LRRK1: variants seen among roughly 807,000 people sequenced by gnomAD.
The protein encoded by LRRK1 is leucine rich repeat kinase 1.
LRRK1 carries 113 observed loss-of-function variants against 209.1 expected under a neutral mutation model. That is an observed-to-expected ratio of 0.54 (90% CI 0.46 to 0.63). LRRK1 has a LOEUF of 0.63. LRRK1 is among the 30% of genes least tolerant of loss of function. The probability of loss-of-function intolerance (pLI) is 0.00; values close to 1 mark genes in which losing one functional copy is unlikely to be tolerated. For synonymous variants in LRRK1, 1,144 were observed against 1,099.7 expected, an observed-to-expected ratio of 1.04 and a Z score of -0.80; for missense variants, 2,284 against 2,632.2, an observed-to-expected ratio of 0.87 and a Z score of 2.89.
intron 2 of LRRK1, among the ~76,000 whole-genome samples, chr15:100,926,675 T>TTTTTC: frequency 1.5e-5 from 2 of 133,796 alleles, no homozygotes; most frequent in African/African-American, 5.9e-5. Context: ...TTCTTTTCTT[T>TTTTTC]TTTTCTTTTT....
chr15:101,015,103 C>T (rs2033467109), intron 11 of LRRK1, among the ~76,000 whole-genome samples: 1 of 152,192 alleles, frequency 6.6e-6, no homozygotes, highest in South Asian at 2.1e-4. Flanking sequence ...AAGGCCACTT[C>T]TGCAGTATCA....
chr15:100,935,004 T>C (rs2042276285), intron 2 of LRRK1, among the ~76,000 whole-genome samples: 1 of 152,108 alleles, frequency 6.6e-6, no homozygotes, highest in Admixed American at 6.5e-5. Flanking sequence ...AGAGGGTTTA[T>C]TGAACATACT....
In LRRK1 at chr15:100,997,049, T is replaced by C. The variant is rs190606344; in HGVS notation, c.762+7651T>C. Among the ~76,000 whole-genome samples, 483 of 151,272 alleles carry C rather than the reference T, an allele frequency of 3.2e-3. 2 individuals are homozygous for C. The highest frequency in any genetic ancestry group is 5.3e-3 in the Non-Finnish European group (360 of 67,780). ...TAAGCTTTGAAAACTCATCAGAATA[T>C]GCATATCTATAGATATGATTATTAA... is the stretch of plus-strand genomic sequence containing the variant. On this transcript the variant is annotated intron_variant, in intron 6 of 33. Coordinates refer to ENST00000388948, the MANE Select transcript of LRRK1 (RefSeq NM_024652.6).
intron 2 of LRRK1, among the ~76,000 whole-genome samples, chr15:100,956,983 T>A (rs2042779324): frequency 6.6e-6 from 1 of 152,206 alleles, no homozygotes; most frequent in South Asian, 2.1e-4. Context: ...AGTTTTGGTA[T>A]GTTGTGTTTC....
chr15:101,026,254 C>G, intron 17 of LRRK1, 117 bp downstream of exon 17: 1 of 970,646 alleles, frequency 1.0e-6, no homozygotes, highest in Non-Finnish European at 1.5e-6. Context: ...CCTTTCCTGG[C>G]CAAGGGTGGC....
At chr15:100,933,887 T>A (rs1215119216) in intron 2 of LRRK1, among the ~76,000 whole-genome samples, 6 of 147,510 alleles carry the variant, frequency 4.1e-5, no homozygotes, top group Non-Finnish European at 6.0e-5. Context: ...ACCTGTCTAT[T>A]GAACATTTCA....
intron 26 of LRRK1, among the ~76,000 whole-genome samples, chr15:101,053,905 C>CT (rs2035637319): frequency 6.6e-6 from 1 of 152,208 alleles, no homozygotes; most frequent in African/African-American, 2.4e-5. Context: ...AGGTAGCTGT[C>CT]TTTTGACTAA....
rs1307728532 is a variant in LRRK1, at chr15:100,956,457, T to TTTTCTTTTCTTTTCTTTC, written c.98-17344_98-17343insCTTTTCTTTTCTTTCTTT. ...CGCTTTTCTTTCCTTTTTTTTTTCT[T>TTTTCTTTTCTTTTCTTTC]TTTTTTTTTTTTTTTTGAGACAGAA... On this transcript the variant is annotated intron_variant, in intron 2 of 33. Coordinates refer to ENST00000388948, the MANE Select transcript of LRRK1 (RefSeq NM_024652.6). Among the ~76,000 whole-genome samples the TTTTCTTTTCTTTTCTTTC allele has an allele frequency of 6.1e-5, 7 of 115,232 alleles. No homozygotes were observed. In the South Asian group the frequency reaches 2.0e-3, roughly 34 times the overall value. 75.6% of individuals were successfully genotyped at this position (115,232 alleles called of 152,430 possible). A position where few individuals can be genotyped will look rare whatever the true frequency, so the allele number is the denominator to read the frequency against.
intron 2 of LRRK1, among the ~76,000 whole-genome samples, chr15:100,932,257 A>T (rs1232184459): frequency 6.6e-6 from 1 of 152,182 alleles, no homozygotes; most frequent in Non-Finnish European, 1.5e-5. Flanking sequence ...AAGTGCTGAG[A>T]TTACAGGCGT....
intron 6 of LRRK1, among the ~76,000 whole-genome samples, chr15:100,989,851 T>G (rs80035975): frequency 6.6e-6 from 1 of 151,612 alleles, no homozygotes; most frequent in Non-Finnish European, 1.5e-5. Context: ...TTGTTTCTGG[T>G]TTTTTTTGGT....
intron 3 of LRRK1, among the ~76,000 whole-genome samples, chr15:100,977,901 A>T (rs559823752): frequency 6.6e-6 from 1 of 152,332 alleles, no homozygotes; most frequent in East Asian, 1.9e-4. Flanking sequence ...CAACACTAGG[A>T]TGACTCCAAT....
In LRRK1 at chr15:101,077,662, C is replaced by T. The variant is rs908337594; in HGVS notation, c.*8814C>T. 14 of 152,268 alleles carry T rather than the reference C, an allele frequency of 9.2e-5. No homozygotes were observed. Among genetic ancestry groups the T allele is most frequent in the Admixed American group, 2.6e-4 (4 of 15,292 alleles). 9.4% of individuals were successfully genotyped at this position (152,268 alleles called of 1,614,324 possible). On this transcript the variant is annotated 3_prime_UTR_variant, in exon 34 of 34. Coordinates refer to ENST00000388948, the MANE Select transcript of LRRK1 (RefSeq NM_024652.6). ...AATATCACCCCTTACCACAAGACCT[C>T]CCTTCAGCTTAATCTCTCCCACTCT...
rs530974798 is a variant in LRRK1, at chr15:101,078,015, G to A, written c.*9167G>A. 1 of 155,562 alleles carries A rather than the reference G, an allele frequency of 6.4e-6. No homozygotes were observed. Among genetic ancestry groups the A allele is most frequent in the African/African-American group, 2.4e-5 (1 of 41,492 alleles). The allele number at this position is 155,562 out of a possible 1,614,324, so 9.6% of individuals were successfully genotyped here. A position where few individuals can be genotyped will look rare whatever the true frequency, so the allele number is the denominator to read the frequency against. ...TGTAAATGGCTGGTTCTTGCCTTAA[G>A]TGATGACATTACCTTGTGAAAGTCC... On this transcript the variant is annotated 3_prime_UTR_variant, in exon 34 of 34. Coordinates refer to ENST00000388948, the MANE Select transcript of LRRK1 (RefSeq NM_024652.6).
chr15:100,949,322 A>C (rs1355777305), intron 2 of LRRK1, among the ~76,000 whole-genome samples: 1 of 152,198 alleles, frequency 6.6e-6, no homozygotes, highest in Non-Finnish European at 1.5e-5. Flanking sequence ...AAACTGACTC[A>C]AGAAGAAGTA....
intron 20 of LRRK1, among the ~76,000 whole-genome samples, chr15:101,033,988 G>A (rs1399480001): frequency 6.6e-6 from 1 of 152,056 alleles, no homozygotes; most frequent in Non-Finnish European, 1.5e-5. Context: ...ATCTCATTGT[G>A]GTTTTGATTT....
chr15:100,936,415 G>T lies in LRRK1; in HGVS notation c.97+11686G>T, dbSNP rs4072998. Among the ~76,000 whole-genome samples the T allele has an allele frequency of 6.9e-3, 1,049 of 152,248 alleles. 11 individuals carry two copies. Among genetic ancestry groups the T allele is most frequent in the African/African-American group, 0.024 (991 of 41,522 alleles). ...TTCCCCCTGGGCTACCATCTATTGC[G>T]CAGGGGTTGGCATGAACTCCACAAT... is the stretch of plus-strand genomic sequence containing the variant. On this transcript the variant is annotated intron_variant, in intron 2 of 33. Transcript: ENST00000388948.
rs145227944 is a variant in LRRK1, at chr15:100,924,098, T to G, written c.-122-413T>G. Among the ~76,000 whole-genome samples the G allele has an allele frequency of 1.6e-4, 24 of 152,344 alleles. No homozygotes were observed. In the East Asian group the frequency reaches 4.6e-3, roughly 29 times the overall value. ...CGGGCAAAAGGAGAGCCTTGTATCG[T>G]GACTAACCTTAACTATGTCTGCCCT... On this transcript the variant is annotated intron_variant, in intron 1 of 33. Transcript: ENST00000388948.
At chr15:100,921,327 A>AT (rs1450092112) in intron 1 of LRRK1, among the ~76,000 whole-genome samples, 3 of 152,206 alleles carry the variant, frequency 2.0e-5, no homozygotes, top group Non-Finnish European at 4.4e-5. Flanking sequence ...TGAGAACAAC[A>AT]TATTTCTCTG....
Position 101,024,701 on chromosome 15 carries a change from AC to A in LRRK1, c.2068-97del. 1.6e-6 allele frequency: 2 copies of A among 1,273,938 alleles called. No homozygotes were observed. The highest frequency in any genetic ancestry group is 2.2e-6 in the Non-Finnish European group (2 of 914,442). 78.9% of individuals were successfully genotyped at this position (1,273,938 alleles called of 1,614,324 possible). On this transcript the variant is annotated intron_variant, in intron 15 of 33. Coordinates refer to ENST00000388948, the MANE Select transcript of LRRK1 (RefSeq NM_024652.6). This position sits in a 1 kb window ranked among gnomAD's most constrained non-coding sequence, Gnocchi z 4.6. ...AACTTTTCCACGGTTGTTTTTTCAG[AC>A]CCCCGAGTCCAGCCTCCAGAGTTAT...
Sources: gnomAD v4.1 joint callset for allele counts (sites outside exome capture counted in the v4.1 genomes callset) on GRCh38, gnomAD v4.1.1 for gene constraint, Gnocchi (gnomAD v3.1) non-coding constraint, MANE v1.5 for transcripts, NCBI Gene and HGNC (gene_info 2026-07-23, HGNC 2026-07-21) for gene names.